Variants in PLEKHH2 observed in about 807,000 individuals in gnomAD.
PLEKHH2 encodes pleckstrin homology domain-containing family H member 2.
A neutral mutation model predicts 187.9 loss-of-function variants in PLEKHH2; 129 were observed. The observed-to-expected ratio is 0.69, with a 90% CI of 0.59 to 0.79. PLEKHH2 has a LOEUF of 0.79. Among genes scored for constraint, PLEKHH2 ranks in the 30% least tolerant of loss-of-function variants. The pLI, the probability that PLEKHH2 is intolerant of heterozygous loss-of-function variation, is 0.00. For missense variants in PLEKHH2, 2,076 were observed against 1,751.2 expected, an observed-to-expected ratio of 1.19 and a Z score of -3.31; for synonymous variants, 686 against 605.6, an observed-to-expected ratio of 1.13 and a Z score of -1.95.
intron 9 of PLEKHH2, 81 bp from the exon 10 acceptor site, chr2:43,706,241 G>A (rs1182751413): frequency 3.2e-6 from 3 of 936,644 alleles, no homozygotes; most frequent in Non-Finnish European, 3.5e-6. Context: ...TGGAGATTAT[G>A]CTCATTTGTA....
At chr2:43,764,456 A>T (rs1423977347) in intron 29 of PLEKHH2, 91 bp downstream of exon 29, 2 of 1,337,084 alleles carry the variant, frequency 1.5e-6, no homozygotes, top group African/African-American at 1.5e-5. Context: ...AATTGTTTTC[A>T]TATTAAAACA....
chr2:43,720,782 T>G (rs1670442551), intron 16 of PLEKHH2, 33 bp downstream of exon 16: 3 of 1,583,552 alleles, frequency 1.9e-6, no homozygotes, highest in Non-Finnish European at 2.6e-6. Flanking sequence ...CCAATTGAAG[T>G]AACTTTTTGT....
At position 43,764,297 on chromosome 2, in the gene PLEKHH2, G is replaced by C. The variant is rs746591752; in HGVS notation, c.4228G>C (p.Val1410Leu). The change falls in exon 29 of 30, where the codon GTC (valine) becomes CTC (leucine). Residue 1410 changes from valine (V) to leucine (L), a missense_variant. Coordinates refer to ENST00000282406, the MANE Select transcript of PLEKHH2 (RefSeq NM_172069.4). ...AGGCTATCAAGATGATTTTATGGTA[G>C]TCATTAACAATACACATTCAAAGGA... ...FGGYQDDFMV[V>L]INNTHSKDKP... 1.9e-5 allele frequency: 31 copies of C among 1,603,974 alleles called. No individual in the cohort carries two copies. In the East Asian group the frequency reaches 7.0e-4, roughly 36 times the overall value.
intron 3 of PLEKHH2, among the ~76,000 whole-genome samples, chr2:43,684,835 AAG>A (rs1326200346): frequency 1.4e-4 from 21 of 151,936 alleles, no homozygotes; most frequent in Non-Finnish European, 2.6e-4. Context: ...AAAAAAAAAA[AAG>A]AGAGAGAATT....
intron 2 of PLEKHH2, among the ~76,000 whole-genome samples, chr2:43,656,705 C>T (rs867245711): frequency 2.0e-5 from 3 of 152,188 alleles, no homozygotes; most frequent in Admixed American, 6.5e-5. Flanking sequence ...CAAATATATA[C>T]AATTTTTGTC....
intron 3 of PLEKHH2, among the ~76,000 whole-genome samples, chr2:43,682,939 TAC>T (rs148292692): frequency 7.8e-4 from 117 of 149,686 alleles, no homozygotes; most frequent in African/African-American, 2.2e-3. Flanking sequence ...GTTCCATATA[TAC>T]ACACACACAC....
intron 3 of PLEKHH2, chr2:43,681,018 C>A: frequency 2.4e-6 from 3 of 1,268,952 alleles, no homozygotes; most frequent in Non-Finnish European, 3.2e-6. Context: ...GTCACCTGTT[C>A]CCTCAGAATG....
intron 2 of PLEKHH2, among the ~76,000 whole-genome samples, chr2:43,678,651 A>G (rs921191287): frequency 1.3e-5 from 2 of 151,782 alleles, no homozygotes; most frequent in African/African-American, 4.8e-5. Context: ...GTGAGCCGAG[A>G]TGGCAGCAGT....
At position 43,675,380 on chromosome 2, in the gene PLEKHH2, C is replaced by A. The variant is rs370033463; in HGVS notation, c.124-3483C>A. The A allele has an allele frequency of 1.0e-5, 16 of 1,578,476 alleles. No individual in the cohort carries two copies. In the African/African-American group the frequency reaches 1.8e-4, roughly 17 times the overall value. On this transcript the variant is annotated intron_variant, in intron 2 of 29. Transcript: ENST00000282406. ...GGTCTATTATTCTCCAGGCCTCAGT[C>A]ATTTTCTGAACCAACTGGAGGCAAG... is the stretch of plus-strand genomic sequence containing the variant.
intron 2 of PLEKHH2, among the ~76,000 whole-genome samples, chr2:43,668,831 A>G (rs1214554997): frequency 6.6e-6 from 1 of 151,824 alleles, no homozygotes; most frequent in Admixed American, 6.6e-5. Flanking sequence ...TAATAAAACA[A>G]CTCTTCAATT....
chr2:43,707,423 G>A lies in PLEKHH2; in HGVS notation c.1844G>A (p.Ser615Asn). Residue 615 changes from serine to asparagine, a missense_variant, in exon 11 of 30, where the codon AGC (serine) becomes AAC (asparagine). Ser to Asn is a conservative substitution (Grantham distance 46). Transcript: ENST00000282406. ...TAGAAGGCGACCCAAATAAGTAGCA[G>A]CCCTTTCCTGGATGACTCATCTGGG... ...LKGKATQISS[S>N]PFLDDSSGSE... The A allele has an allele frequency of 6.2e-7, 1 of 1,614,062 alleles. No individual in the cohort carries two copies. The highest frequency in any genetic ancestry group is 8.5e-7 in the Non-Finnish European group (1 of 1,179,992).
intron 16 of PLEKHH2, 115 bp downstream of exon 16, chr2:43,720,864 A>G (rs992619309): frequency 1.4e-6 from 2 of 1,438,226 alleles, no homozygotes; most frequent in African/African-American, 2.9e-5. Context: ...TATGAGGTTG[A>G]AATTTGGTAT....
In PLEKHH2 at chr2:43,765,797, C is replaced by A; in HGVS notation, c.*199C>A. 1 of 470,232 alleles carries A rather than the reference C, an allele frequency of 2.1e-6. No individual in the cohort carries two copies. Among genetic ancestry groups the A allele is most frequent in the Non-Finnish European group, 3.6e-6 (1 of 279,390 alleles). The allele number at this position is 470,232 out of a possible 1,614,324, so 29.1% of individuals were successfully genotyped here. ...CAGTAAAACATAAACACAAAATTTG[C>A]CAACACACTAATTTTCTTATAGAGT... On this transcript the variant is annotated 3_prime_UTR_variant, in exon 30 of 30. Coordinates refer to ENST00000282406, the MANE Select transcript of PLEKHH2 (RefSeq NM_172069.4).
chr2:43,727,008 T>A (rs1009854989), intron 17 of PLEKHH2, among the ~76,000 whole-genome samples: 1 of 152,154 alleles, frequency 6.6e-6, no homozygotes, highest in East Asian at 1.9e-4. Context: ...TATTTTCATC[T>A]CATACAGATA....
intron 2 of PLEKHH2, among the ~76,000 whole-genome samples, chr2:43,654,704 ACC>A (rs34057211): frequency 5.3e-5 from 6 of 112,270 alleles, no homozygotes; most frequent in Admixed American, 4.0e-4. Flanking sequence ...ATAGTAAGAC[ACC>A]CCCCCCCCCC....
chr2:43,690,081 G>C (rs956527399), intron 3 of PLEKHH2, among the ~76,000 whole-genome samples: 2 of 152,130 alleles, frequency 1.3e-5, no homozygotes, highest in African/African-American at 2.4e-5. Flanking sequence ...TATCATTTTG[G>C]ACTTGGGCTC....
intron 2 of PLEKHH2, among the ~76,000 whole-genome samples, chr2:43,650,765 C>A (rs1409406182): frequency 6.6e-6 from 1 of 151,918 alleles, no homozygotes; most frequent in Non-Finnish European, 1.5e-5. Context: ...CCTGCCTCAG[C>A]CTCCCAAGTA....
chr2:43,710,414 A>G, intron 13 of PLEKHH2, 75 bp from the exon 14 acceptor site: 8 of 1,585,240 alleles, frequency 5.0e-6, no homozygotes, highest in Non-Finnish European at 6.9e-6. Flanking sequence ...CCATAATGCA[A>G]GTAATGATAC....
intron 9 of PLEKHH2, 23 bp downstream of exon 9, chr2:43,704,079 A>G (rs749636144): frequency 6.7e-7 from 1 of 1,484,186 alleles, no homozygotes; most frequent in Non-Finnish European, 9.4e-7. Flanking sequence ...TCATGCTGCC[A>G]CCTGGATGAA....
Sources: gnomAD v4.1 joint callset for allele counts (sites outside exome capture counted in the v4.1 genomes callset) on GRCh38, gnomAD v4.1.1 for gene constraint, MANE v1.5 for transcripts, NCBI Gene and HGNC (gene_info 2026-07-23, HGNC 2026-07-21) for gene names.